CHRNA7: variants seen among roughly 807,000 people sequenced by gnomAD.
CHRNA7 encodes the protein cholinergic receptor nicotinic alpha 7 subunit.
In CHRNA7, 17 loss-of-function variants were observed where a neutral mutation model predicts 48.0. The observed-to-expected ratio is 0.35, with a 90% CI of 0.24 to 0.53. CHRNA7 has a LOEUF of 0.53. Ranked by LOEUF, CHRNA7 falls within the 20% of genes least tolerant of loss-of-function variation. CHRNA7 has a pLI of 0.92. For synonymous variants in CHRNA7, 75 were observed against 242.3 expected, an observed-to-expected ratio of 0.31 and a Z score of 6.41; for missense variants, 155 against 577.7, an observed-to-expected ratio of 0.27 and a Z score of 7.50.
At position 32,038,044 on chromosome 15, in the gene CHRNA7, T is replaced by G. The variant is rs1355266353; in HGVS notation, c.195+7007T>G. The stretch of plus-strand genomic sequence containing the variant: ...CATTAGGTATGATGTTAGCTATAGG[T>G]TTTTTGGATATGTATATATATATAT... On this transcript the variant is annotated intron_variant, in intron 2 of 9. Transcript: ENST00000306901. Among the ~76,000 whole-genome samples, 5 of 108,932 alleles carry G rather than the reference T, an allele frequency of 4.6e-5. No homozygotes were observed. In the Admixed American group the frequency reaches 6.2e-4, roughly 14 times the overall value. The allele number at this position is 108,932 out of a possible 152,430, so 71.5% of individuals were successfully genotyped here. A position where few individuals can be genotyped will look rare whatever the true frequency, so the allele number is the denominator to read the frequency against.
Position 32,030,568 on chromosome 15 carries a change from C to G in CHRNA7, c.-27C>G. The G allele has an allele frequency of 6.8e-7, 1 of 1,472,996 alleles. No individual in the cohort carries two copies. Among genetic ancestry groups the G allele is most frequent in the Non-Finnish European group, 8.9e-7 (1 of 1,118,288 alleles). The allele number at this position is 1,472,996 out of a possible 1,614,324, so 91.2% of individuals were successfully genotyped here. On this transcript the variant is annotated 5_prime_UTR_variant, in exon 1 of 10. Coordinates refer to ENST00000306901, the MANE Select transcript of CHRNA7 (RefSeq NM_000746.6). Reference sequence around the variant, plus strand: ...GCGACAGCCGAGACGTGGAGCGCGCCGGCTCGCTGCAGCTCCGGGACTCAA... The same window carrying G: ...GCGACAGCCGAGACGTGGAGCGCGCGGGCTCGCTGCAGCTCCGGGACTCAA...
intron 4 of CHRNA7, among the ~76,000 whole-genome samples, chr15:32,114,038 A>ATG (rs780193606): frequency 0.21 from 17,052 of 80,274 alleles, 1,721 homozygotes; most frequent in Middle Eastern, 0.3. Context: ...ATATATATAT[A>ATG]TATATGTATA....
At chr15:32,030,848 AC>A (rs753798019) in intron 1 of CHRNA7, 49 bp from the exon 2 acceptor site, 3 of 1,587,342 alleles carry the variant, frequency 1.9e-6, no homozygotes, top group Non-Finnish European at 2.6e-6. Flanking sequence ...AGTCGGGGGT[AC>A]CCCCGCCGGC....
At chr15:32,061,945 G>T (rs1196787028) in intron 2 of CHRNA7, among the ~76,000 whole-genome samples, 1 of 152,170 alleles carries the variant, frequency 6.6e-6, no homozygotes, top group Non-Finnish European at 1.5e-5. Flanking sequence ...AATAATTCCT[G>T]TGATATTGTC....
At chr15:32,038,923 A>G (rs1328930519) in intron 2 of CHRNA7, among the ~76,000 whole-genome samples, 2 of 152,108 alleles carry the variant, frequency 1.3e-5, no homozygotes, top group Non-Finnish European at 2.9e-5. Flanking sequence ...GGTTATTATT[A>G]TTTGATTCAA....
chr15:32,110,495 A>G (rs2050745340), intron 3 of CHRNA7, among the ~76,000 whole-genome samples: 1 of 152,172 alleles, frequency 6.6e-6, no homozygotes, highest in Admixed American at 6.5e-5. Flanking sequence ...ACTCACCTGG[A>G]TAGTTCCTCT....
intron 3 of CHRNA7, among the ~76,000 whole-genome samples, chr15:32,106,631 C>T (rs1003410666): frequency 6.6e-6 from 1 of 152,116 alleles, no homozygotes; most frequent in Non-Finnish European, 1.5e-5. Context: ...CTGATTTAAT[C>T]TATGAGAAAA....
intron 2 of CHRNA7, among the ~76,000 whole-genome samples, chr15:32,095,764 A>G (rs1473806631): frequency 6.6e-6 from 1 of 152,230 alleles, no homozygotes; most frequent in African/African-American, 2.4e-5. Context: ...AGGGGTTCCA[A>G]GCCCATACTT....
At chr15:32,116,580 T>G (rs1234095963) in intron 4 of CHRNA7, among the ~76,000 whole-genome samples, 1 of 152,236 alleles carries the variant, frequency 6.6e-6, no homozygotes, top group East Asian at 1.9e-4. Context: ...GTAGCAATTA[T>G]GGATGGCTTG....
At chr15:32,061,420 T>C (rs1595399743) in intron 2 of CHRNA7, among the ~76,000 whole-genome samples, 1 of 152,172 alleles carries the variant, frequency 6.6e-6, no homozygotes, top group Admixed American at 6.5e-5. Flanking sequence ...CCTTTTGCAC[T>C]CCCACAATAC....
rs762077874 is a variant in CHRNA7 at position 32,030,642 on chromosome 15, C to T, written c.48C>T (p.Leu16=). The change falls in exon 1 of 10, where the codon CTC becomes CTT. Residue 16 remains leucine (L), a synonymous_variant. Transcript: ENST00000306901. The part of the protein sequence containing the change: ...GGVWLALAAS[L]LHVSLQGEFQ... ...TCTGGCTGGCGCTGGCCGCGTCGCT[C>T]CTGCACGGTAAAGCCACTGCCTCCC... 1 of 1,578,514 alleles carries T rather than the reference C, an allele frequency of 6.3e-7. No homozygotes were observed.
chr15:32,111,785 G>A lies in CHRNA7; in HGVS notation c.241-5G>A. Reference sequence around the variant, plus strand: ...AAGTGCTGCTAATGTCATTGTGTGTGTCAGTCTTGGACAGATCACTATTTA... The same window carrying A: ...AAGTGCTGCTAATGTCATTGTGTGTATCAGTCTTGGACAGATCACTATTTA... On this transcript the variant is annotated splice_region_variant and splice_polypyrimidine_tract_variant and intron_variant, in intron 3 of 9. Coordinates refer to ENST00000306901, the MANE Select transcript of CHRNA7 (RefSeq NM_000746.6). 6.4e-7 allele frequency: 1 copy of A among 1,569,602 alleles called. No individual in the cohort carries two copies. The highest frequency in any genetic ancestry group is 8.8e-7 in the Non-Finnish European group (1 of 1,142,096).
At chr15:32,157,856 C>T in intron 6 of CHRNA7, 81 bp downstream of exon 6, 2 of 655,360 alleles carry the variant, frequency 3.1e-6, no homozygotes, top group Non-Finnish European at 4.8e-6. Flanking sequence ...TTCCACTGTC[C>T]TTTCCGGTGC....
At chr15:32,033,814 T>C (rs932672943) in intron 2 of CHRNA7, among the ~76,000 whole-genome samples, 1 of 152,228 alleles carries the variant, frequency 6.6e-6, no homozygotes, top group African/African-American at 2.4e-5. Flanking sequence ...GAGACCATAG[T>C]AGTTGGTTTT....
chr15:32,052,963 G>A (rs958903667), intron 2 of CHRNA7, among the ~76,000 whole-genome samples: 7 of 151,842 alleles, frequency 4.6e-5, no homozygotes, highest in African/African-American at 1.7e-4. Context: ...ATTGTCTGTG[G>A]GTATCAAAAT....
At chr15:32,145,140 T>C (rs983818911) in intron 4 of CHRNA7, among the ~76,000 whole-genome samples, 1 of 152,226 alleles carries the variant, frequency 6.6e-6, no homozygotes, top group African/African-American at 2.4e-5. Flanking sequence ...TATTCCTTTC[T>C]GTTTGTTAGT....
chr15:32,095,350 A>G (rs1010722858), intron 2 of CHRNA7, among the ~76,000 whole-genome samples: 6 of 152,238 alleles, frequency 3.9e-5, no homozygotes, highest in African/African-American at 1.4e-4. Flanking sequence ...AGTTTTGTTT[A>G]TGTGATTATA....
At chr15:32,066,205 A>G (rs916011883) in intron 2 of CHRNA7, among the ~76,000 whole-genome samples, 1 of 152,280 alleles carries the variant, frequency 6.6e-6, no homozygotes, top group Non-Finnish European at 1.5e-5. Flanking sequence ...TAGTTGAGAA[A>G]AGTTACTGAA....
intron 4 of CHRNA7, among the ~76,000 whole-genome samples, chr15:32,113,177 G>T (rs1053101170): frequency 1.3e-5 from 2 of 152,146 alleles, no homozygotes; most frequent in Admixed American, 6.5e-5. Flanking sequence ...TGAAGGTGTT[G>T]TCAGGACTGG....
Sources: gnomAD v4.1 joint callset for allele counts (sites outside exome capture counted in the v4.1 genomes callset) on GRCh38, gnomAD v4.1.1 for gene constraint, MANE v1.5 for transcripts, NCBI Gene and HGNC (gene_info 2026-07-23, HGNC 2026-07-21) for gene names.